ZNF423: variants seen among roughly 807,000 people sequenced by gnomAD.
ZNF423 encodes zinc finger protein 423.
Under a neutral mutation model 95.8 loss-of-function variants are expected in ZNF423, and 12 were observed. The ratio of observed to expected loss-of-function variants is 0.13; its 90% confidence interval spans 0.08 to 0.20. The LOEUF (loss-of-function observed/expected upper bound fraction) is 0.20, where lower values mean the gene tolerates loss of function less well. Ranked by LOEUF, ZNF423 falls within the 10% of genes least tolerant of loss-of-function variation. The pLI is 1.00. For synonymous variants in ZNF423, 749 were observed against 711.9 expected (o/e 1.05, Z -0.83); for missense variants, 1,316 against 1,737.1 (o/e 0.76, Z 4.31).
rs564949845 is a variant in ZNF423 at position 49,492,211 on chromosome 16, C to T, written c.3850-907G>A. Among the ~76,000 whole-genome samples the T allele has an allele frequency of 6.6e-6, 1 of 152,348 alleles. No individual in the cohort carries two copies. Among genetic ancestry groups the T allele is most frequent in the Admixed American group, 6.5e-5 (1 of 15,308 alleles). On this transcript the variant is annotated intron_variant, in intron 7 of 7. Transcript: ENST00000563137. This position sits in a 1 kb window ranked among gnomAD's most constrained non-coding sequence, Gnocchi z 4.2. ...TCGTGTTCCAAATTCAGACCCATTT[C>T]ATCAAAGCCTCAGGTGGTGCTCCAC...
chr16:49,527,609 G>A (rs551566801), intron 5 of ZNF423, among the ~76,000 whole-genome samples: 2 of 152,172 alleles, frequency 1.3e-5, no homozygotes, highest in Admixed American at 6.5e-5. Flanking sequence ...GAGGGAGGGG[G>A]TATGTGAGGT....
chr16:49,793,679 C>T (rs2034451299), intron 1 of ZNF423, among the ~76,000 whole-genome samples: 1 of 152,140 alleles, frequency 6.6e-6, no homozygotes, highest in Non-Finnish European at 1.5e-5. Flanking sequence ...GCACGTGAAG[C>T]AAGTGTGTGC....
At chr16:49,609,418 T>C in intron 5 of ZNF423, among the ~76,000 whole-genome samples, 1 of 152,028 alleles carries the variant, frequency 6.6e-6, no homozygotes, top group Middle Eastern at 3.2e-3. Context: ...AATTATCTAA[T>C]GGGGAGTTTA....
At chr16:49,595,643 C>A (rs1432672345) in intron 5 of ZNF423, among the ~76,000 whole-genome samples, 1 of 152,212 alleles carries the variant, frequency 6.6e-6, no homozygotes, top group East Asian at 1.9e-4. Flanking sequence ...AACTCAAAAA[C>A]CAAACCCAGA....
intron 4 of ZNF423, among the ~76,000 whole-genome samples, chr16:49,627,976 C>T (rs193231236): frequency 1.3e-5 from 2 of 149,712 alleles, no homozygotes; most frequent in African/African-American, 4.9e-5. Flanking sequence ...ATCTACTCCA[C>T]CCATCCATCC....
intron 5 of ZNF423, among the ~76,000 whole-genome samples, chr16:49,554,428 C>T (rs1969752521): frequency 6.6e-6 from 1 of 152,150 alleles, no homozygotes; most frequent in African/African-American, 2.4e-5. Context: ...ACCTCCTAAA[C>T]AATCTGGCCG....
At position 49,635,708 on chromosome 16, in the gene ZNF423, C is replaced by T. The variant is rs144663962; in HGVS notation, c.3468G>A (p.Pro1156=). Residue 1156 remains proline, a synonymous_variant, in exon 4 of 8, where the codon CCG becomes CCA. Transcript: ENST00000563137. This position sits in a 1 kb window ranked among gnomAD's most constrained non-coding sequence, Gnocchi z 4.8. ...HMQVDHRDLT[P]ETSGPRKGTQ... ...TGCCTTTCCGGGGCCCACTGGTCTC[C>T]GGCGTGAGGTCACGGTGGTCCACCT... 2.1e-5 allele frequency: 33 copies of T among 1,602,086 alleles called. No homozygotes were observed. The highest frequency in any genetic ancestry group is 9.4e-5 in the African/African-American group (7 of 74,242).
chr16:49,590,754 C>A (rs1393521348), intron 5 of ZNF423, among the ~76,000 whole-genome samples: 2 of 152,210 alleles, frequency 1.3e-5, no homozygotes, highest in Admixed American at 6.5e-5. Context: ...GTAATTAACA[C>A]CCGCACTTGA....
intron 3 of ZNF423, among the ~76,000 whole-genome samples, chr16:49,715,071 GAGTA>G (rs1302917767): frequency 2.0e-5 from 3 of 152,190 alleles, no homozygotes; most frequent in Non-Finnish European, 4.4e-5. Context: ...ACAAATCACT[GAGTA>G]AGTATTCCCT....
chr16:49,843,377 A>G (rs1218231069), intron 1 of ZNF423, among the ~76,000 whole-genome samples: 1 of 152,108 alleles, frequency 6.6e-6, no homozygotes, highest in Non-Finnish European at 1.5e-5. Flanking sequence ...TCCTAGACTA[A>G]TGGTTCCTAA....
chr16:49,650,790 G>A (rs1464277343), intron 3 of ZNF423, among the ~76,000 whole-genome samples: 2 of 152,194 alleles, frequency 1.3e-5, no homozygotes, highest in Admixed American at 6.5e-5. Flanking sequence ...CAAAGTGACT[G>A]GAAGAGCTAG....
intron 5 of ZNF423, among the ~76,000 whole-genome samples, chr16:49,564,058 A>G (rs1025714297): frequency 2.4e-4 from 37 of 152,316 alleles, no homozygotes; most frequent in African/African-American, 8.2e-4. Flanking sequence ...ACTGCACCTG[A>G]TGCTTAGAGC....
chr16:49,716,054 T>C (rs1343903135), intron 3 of ZNF423, among the ~76,000 whole-genome samples: 3 of 150,472 alleles, frequency 2.0e-5, no homozygotes, highest in Non-Finnish European at 4.4e-5. Flanking sequence ...GGCAGGGGAG[T>C]GGATTCATCC....
At chr16:49,630,108 G>C (rs763400942) in intron 4 of ZNF423, among the ~76,000 whole-genome samples, 8 of 152,196 alleles carry the variant, frequency 5.3e-5, no homozygotes, top group Non-Finnish European at 8.8e-5. Context: ...ACTCTGCATG[G>C]AAAGGCCCTG....
chr16:49,545,575 C>T (rs948593044), intron 5 of ZNF423, among the ~76,000 whole-genome samples: 3 of 152,294 alleles, frequency 2.0e-5, no homozygotes, highest in African/African-American at 7.2e-5. Flanking sequence ...AAAAGCAACC[C>T]CAGACTGCAG....
intron 5 of ZNF423, among the ~76,000 whole-genome samples, chr16:49,536,585 A>C (rs1318943941): frequency 6.6e-6 from 1 of 152,060 alleles, no homozygotes; most frequent in Non-Finnish European, 1.5e-5. Flanking sequence ...TGGGACTGCC[A>C]GAGTGCACCA....
intron 4 of ZNF423, among the ~76,000 whole-genome samples, chr16:49,627,653 C>T (rs1003240974): frequency 6.7e-6 from 1 of 148,168 alleles, no homozygotes; most frequent in Non-Finnish European, 1.5e-5. Flanking sequence ...CCCACCCATA[C>T]ATCTACACAC....
intron 4 of ZNF423, among the ~76,000 whole-genome samples, chr16:49,628,401 C>T (rs929916849): frequency 6.6e-6 from 1 of 151,236 alleles, no homozygotes; most frequent in Admixed American, 6.6e-5. Context: ...CATTCATCCA[C>T]ACACACATCC....
chr16:49,688,250 C>T (rs1193104965), intron 3 of ZNF423, among the ~76,000 whole-genome samples: 4 of 152,132 alleles, frequency 2.6e-5, no homozygotes, highest in Non-Finnish European at 5.9e-5. Context: ...CAAACACAAA[C>T]TCCTCCTTTT....
Sources: gnomAD v4.1 joint callset for allele counts (sites outside exome capture counted in the v4.1 genomes callset) on GRCh38, gnomAD v4.1.1 for gene constraint, Gnocchi (gnomAD v3.1) non-coding constraint, MANE v1.5 for transcripts, NCBI Gene and HGNC (gene_info 2026-07-23, HGNC 2026-07-21) for gene names.